Variants in IRAK1BP1 observed in about 807,000 individuals in gnomAD.
IRAK1BP1 encodes the protein interleukin-1 receptor-associated kinase 1-binding protein 1.
In IRAK1BP1, 24 loss-of-function variants were observed where a neutral mutation model predicts 28.0. The observed-to-expected ratio is 0.86, with a 90% CI of 0.62 to 1.20. IRAK1BP1 has a LOEUF of 1.20. Among genes scored for constraint, IRAK1BP1 ranks in the 50% most tolerant of loss-of-function variants. The probability of loss-of-function intolerance (pLI) is 0.00; values close to 1 mark genes in which losing one functional copy is unlikely to be tolerated. For missense variants in IRAK1BP1, 336 were observed against 316.7 expected, an observed-to-expected ratio of 1.06 and a Z score of -0.46; for synonymous variants, 131 against 116.3, an observed-to-expected ratio of 1.13 and a Z score of -0.81.
the IRAK1BP1 span, among the ~76,000 whole-genome samples, chr6:78,973,045 C>A: frequency 1.9e-4 from 29 of 152,090 alleles, no homozygotes; most frequent in African/African-American, 6.7e-4. Context: ...AGATACTCCT[C>A]GAGAAGAGCA....
the IRAK1BP1 span, chr6:78,969,743 T>A: frequency 1.7e-6 from 1 of 586,942 alleles, no homozygotes; most frequent in African/African-American, 1.9e-5. Flanking sequence ...ATTTCTCTGA[T>A]AATCTTTTTC....
intron 2 of IRAK1BP1, 53 bp from the exon 3 acceptor site, chr6:78,897,776 T>A: frequency 3.3e-6 from 5 of 1,527,474 alleles, no homozygotes; most frequent in Non-Finnish European, 2.7e-6. Flanking sequence ...GTAGAGAAAA[T>A]CTTGAAACAG....
chr6:78,892,564 T>C (rs995246090), intron 2 of IRAK1BP1, among the ~76,000 whole-genome samples: 2 of 152,138 alleles, frequency 1.3e-5, no homozygotes, highest in African/African-American at 4.8e-5. Context: ...GTATTTCTAG[T>C]CTATAAAATA....
intron 2 of IRAK1BP1, among the ~76,000 whole-genome samples, chr6:78,893,310 G>A (rs1404556135): frequency 0.039 from 2,758 of 69,882 alleles, 50 homozygotes; most frequent in African/African-American, 0.045. Flanking sequence ...GTGTGTGTGT[G>A]TGTGTATATA....
chr6:78,946,546 A>T, downstream of IRAK1BP1: 1 of 1,383,670 alleles, frequency 7.2e-7, no homozygotes, highest in Non-Finnish European at 9.3e-7. Flanking sequence ...ACACTAGTAT[A>T]GCTTTAGTTA....
At chr6:78,958,390 A>G in the IRAK1BP1 span, 3 of 891,264 alleles carry the variant, frequency 3.4e-6, no homozygotes, top group African/African-American at 3.4e-5. Flanking sequence ...TCTTCTTTAC[A>G]AACAGTATGT....
the IRAK1BP1 span, among the ~76,000 whole-genome samples, chr6:78,962,837 G>A: frequency 6.6e-6 from 1 of 152,014 alleles, no homozygotes; most frequent in African/African-American, 2.4e-5. Flanking sequence ...GGTTGTGGAG[G>A]ACCCAGTTTT....
At chr6:78,964,077 A>C in the IRAK1BP1 span, among the ~76,000 whole-genome samples, 1 of 152,234 alleles carries the variant, frequency 6.6e-6, no homozygotes, top group Non-Finnish European at 1.5e-5. Context: ...TTGCTATCAT[A>C]TTCACAACAG....
the IRAK1BP1 span, chr6:78,954,986 T>A: frequency 6.0e-6 from 9 of 1,500,024 alleles, no homozygotes; most frequent in Non-Finnish European, 7.1e-6. Context: ...TGTTCAAATA[T>A]ATTAATAAAA....
At chr6:78,921,883 C>T (rs561051024) in intron 4 of IRAK1BP1, among the ~76,000 whole-genome samples, 3 of 152,312 alleles carry the variant, frequency 2.0e-5, no homozygotes, top group Admixed American at 2.0e-4. Flanking sequence ...CGAAGGAAAA[C>T]TAACAAACGG....
At chr6:78,973,356 C>T in the IRAK1BP1 span, among the ~76,000 whole-genome samples, 1 of 150,272 alleles carries the variant, frequency 6.7e-6, no homozygotes, top group Non-Finnish European at 1.5e-5. Flanking sequence ...CAGGCCTGCC[C>T]TACAAGAGCT....
the IRAK1BP1 span, among the ~76,000 whole-genome samples, chr6:78,971,491 T>C: frequency 6.6e-6 from 1 of 152,190 alleles, no homozygotes; most frequent in African/African-American, 2.4e-5. Context: ...CATACTTTCA[T>C]TCTATTCATT....
intron 2 of IRAK1BP1, among the ~76,000 whole-genome samples, chr6:78,893,314 G>GTGTATA (rs1273555034): frequency 2.0e-4 from 21 of 103,450 alleles, no homozygotes; most frequent in African/African-American, 7.1e-4. Context: ...GTGTGTGTGT[G>GTGTATA]TATATATATA....
chr6:78,964,325 A>G, the IRAK1BP1 span, among the ~76,000 whole-genome samples: 1 of 152,194 alleles, frequency 6.6e-6, no homozygotes, highest in Non-Finnish European at 1.5e-5. Context: ...TCTGAGGTCT[A>G]CGAGACTGGG....
rs560272747 is a variant in IRAK1BP1 at position 78,894,835 on chromosome 6, G to A, written c.382-2994G>A. Among the ~76,000 whole-genome samples, 38 of 152,214 alleles carry A rather than the reference G, an allele frequency of 2.5e-4. No homozygotes were observed. In the South Asian group the frequency reaches 7.5e-3, roughly 30 times the overall value. The stretch of plus-strand genomic sequence containing the variant: ...GTCATATAAAAGTATTTGGCCGGGC[G>A]CAGTGGCTCACACCTGTAATCCCAG... On this transcript the variant is annotated intron_variant, in intron 2 of 3. Transcript: ENST00000369940.
chr6:78,967,508 T>C, the IRAK1BP1 span, among the ~76,000 whole-genome samples: 6 of 152,204 alleles, frequency 3.9e-5, no homozygotes, highest in South Asian at 2.1e-4. Flanking sequence ...AAGTCCACCA[T>C]TGAGAGTAAG....
intron 4 of IRAK1BP1, among the ~76,000 whole-genome samples, chr6:78,917,651 A>AT (rs1562097221): frequency 6.6e-6 from 1 of 151,574 alleles, no homozygotes; most frequent in African/African-American, 2.4e-5. Context: ...AAAAAAAAAA[A>AT]AAAAATCTTA....
the IRAK1BP1 span, chr6:78,958,408 T>A: frequency 9.7e-7 from 1 of 1,027,202 alleles, no homozygotes; most frequent in East Asian, 2.5e-5. Flanking sequence ...TGTTTTCTAT[T>A]TTAAGAGGAA....
At chr6:78,923,457 C>A (rs1772799602) in intron 4 of IRAK1BP1, among the ~76,000 whole-genome samples, 1 of 152,140 alleles carries the variant, frequency 6.6e-6, no homozygotes. Context: ...TTGACTCCCA[C>A]ACAATAATAA....
Sources: gnomAD v4.1 joint callset for allele counts (sites outside exome capture counted in the v4.1 genomes callset) on GRCh38, gnomAD v4.1.1 for gene constraint, MANE v1.5 for transcripts, NCBI Gene and HGNC (gene_info 2026-07-23, HGNC 2026-07-21) for gene names.